Variants in C1QTNF1 observed in about 807,000 individuals in gnomAD.
C1QTNF1 encodes the protein C1q and TNF related 1.
C1QTNF1 carries 22 observed loss-of-function variants against 27.8 expected under a neutral mutation model. The observed-to-expected ratio is 0.79, with a 90% confidence interval of 0.56 to 1.13. The LOEUF (loss-of-function observed/expected upper bound fraction) is 1.13, where lower values mean the gene tolerates loss of function less well. Ranked by LOEUF, C1QTNF1 falls within the 50% of genes most tolerant of loss-of-function variation. The pLI, the probability that C1QTNF1 is intolerant of heterozygous loss-of-function variation, is 0.00. For missense variants in C1QTNF1, 373 were observed against 380.2 expected (o/e 0.98, Z 0.16); for synonymous variants, 166 against 154.3 (o/e 1.08, Z -0.56).
rs1381966945 is a variant in C1QTNF1 at position 79,048,035 on chromosome 17, G to A, written c.793G>A (p.Asp265Asn). ...GAACGCCATCTTCAGCGAGGAGCTG[G>A]ACACCTACATCACCTTCAGTGGCTA... ...RENAIFSEELDTYITFSGYLV... is the reference protein window; with the variant it reads ...RENAIFSEELNTYITFSGYLV... Residue 265 changes from aspartate (D) to asparagine (N), a missense_variant, in exon 4 of 4, where the codon GAC becomes AAC. Transcript: ENST00000579760. 23 of 1,599,050 alleles carry A rather than the reference G, an allele frequency of 1.4e-5. No individual in the cohort carries two copies. The highest frequency in any genetic ancestry group is 2.0e-5 in the Non-Finnish European group (23 of 1,174,980).
chr17:79,042,685 A>G lies in C1QTNF1; in HGVS notation c.-14-1270A>G, dbSNP rs187596104. ...GCTTGGGATTTTTCTTACTGTCCTA[A>G]GAGGGGTGGTATACAATTGTCTGTG... On this transcript the variant is annotated intron_variant, in intron 1 of 3. Coordinates refer to ENST00000579760, the MANE Select transcript of C1QTNF1 (RefSeq NM_030968.5). Among the ~76,000 whole-genome samples, 181 of 152,304 alleles carry G rather than the reference A, an allele frequency of 1.2e-3. 3 individuals are homozygous for G. The highest frequency in any genetic ancestry group is 2.5e-3 in the East Asian group (13 of 5,178).
intron 1 of C1QTNF1, chr17:79,024,823 T>G (rs1424788792): frequency 6.6e-6 from 1 of 151,974 alleles, no homozygotes; most frequent in Non-Finnish European, 1.5e-5. Context: ...TTTTGTGGGG[T>G]GTTTATCTTG....
chr17:79,043,403 G>A (rs1388503956), intron 1 of C1QTNF1: 15 of 451,894 alleles, frequency 3.3e-5, no homozygotes, highest in Admixed American at 2.6e-4. Context: ...ATGTGCATGT[G>A]AGTGTGAGTG....
At chr17:79,031,381 A>T (rs183552800) in intron 1 of C1QTNF1, among the ~76,000 whole-genome samples, 261 of 152,090 alleles carry the variant, frequency 1.7e-3, no homozygotes, top group Middle Eastern at 6.8e-3. Flanking sequence ...CCTATTGCTG[A>T]TTTCACCACT....
In C1QTNF1 at chr17:79,046,116, T is replaced by C. The variant is rs2072565702; in HGVS notation, c.156-439T>C. Among the ~76,000 whole-genome samples, 1 of 151,824 alleles carries C rather than the reference T, an allele frequency of 6.6e-6. No individual in the cohort carries two copies. The highest frequency in any genetic ancestry group is 2.1e-4 in the South Asian group (1 of 4,800). On this transcript the variant is annotated intron_variant, in intron 2 of 3. Transcript: ENST00000579760. The surrounding 1 kb of genome is among the most constrained non-coding windows in gnomAD (Gnocchi z 4.8). Reference sequence around the variant, plus strand: ...TCCAATCAGGTTGGAAACATAAGAGTCTCTCCAGCGGCTACAGCTGAGGGG... The same window carrying C: ...TCCAATCAGGTTGGAAACATAAGAGCCTCTCCAGCGGCTACAGCTGAGGGG...
chr17:79,035,280 G>C (rs368765120), intron 1 of C1QTNF1, among the ~76,000 whole-genome samples: 1 of 152,116 alleles, frequency 6.6e-6, no homozygotes, highest in South Asian at 2.1e-4. Flanking sequence ...CGTCAGAGCC[G>C]AGGGGGAGTG....
In C1QTNF1 at chr17:79,044,001, G is replaced by A. The variant is rs373430274; in HGVS notation, c.33G>A (p.Ala11=). ...CCCGTGGACAGGGACTCTTGCTGGC[G>A]TACTGCCTGCTCCTTGCCTTTGCCT... MGSRGQGLLL[A]YCLLLAFASG... Residue 11 remains alanine, a synonymous_variant, in exon 2 of 4, where the codon GCG becomes GCA. Transcript: ENST00000579760. 1.4e-5 allele frequency: 23 copies of A among 1,614,174 alleles called. No individual in the cohort carries two copies. The highest frequency in any genetic ancestry group is 1.6e-4 in the Middle Eastern group (1 of 6,062).
chr17:79,035,437 T>C (rs2072242675), intron 1 of C1QTNF1, among the ~76,000 whole-genome samples: 1 of 51,888 alleles, frequency 1.9e-5, no homozygotes, highest in South Asian at 5.7e-4. Flanking sequence ...TGAATCGTAT[T>C]TTTTTTTTTT....
chr17:79,043,231 T>C, intron 1 of C1QTNF1: 1 of 453,660 alleles, frequency 2.2e-6, no homozygotes, highest in Non-Finnish European at 4.4e-6. Context: ...TGAATCTGTG[T>C]GCATGTGATA....
At chr17:79,023,719 C>T (rs1376229988), upstream of C1QTNF1, among the ~76,000 whole-genome samples, 8 of 152,108 alleles carry the variant, frequency 5.3e-5, no homozygotes, top group Non-Finnish European at 1.2e-4. Flanking sequence ...CACACACACA[C>T]ACACACACAC....
rs1283171737 is a variant in C1QTNF1 at position 79,047,911 on chromosome 17, G to A, written c.669G>A (p.Ala223=). Residue 223 remains alanine, a synonymous_variant, in exon 4 of 4, where the codon GCG becomes GCA. Coordinates refer to ENST00000579760, the MANE Select transcript of C1QTNF1 (RefSeq NM_030968.5). The part of the protein sequence containing the change: ...KNEEEVVILF[A]QVGDRSIMQS... ...AGGAGGAGGTGGTGATCTTGTTCGC[G>A]CAGGTGGGCGACCGCAGCATCATGC... 4 of 1,613,970 alleles carry A rather than the reference G, an allele frequency of 2.5e-6. No individual in the cohort carries two copies. Among genetic ancestry groups the A allele is most frequent in the African/African-American group, 1.3e-5 (1 of 74,922 alleles).
chr17:79,037,812 C>T (rs1431704148), intron 1 of C1QTNF1, among the ~76,000 whole-genome samples: 1 of 151,948 alleles, frequency 6.6e-6, no homozygotes, highest in Non-Finnish European at 1.5e-5. Context: ...GCTGGGACTA[C>T]AGGCGAACAC....
chr17:79,048,316 G>T lies in C1QTNF1; in HGVS notation c.*228G>T, dbSNP rs2072658622. 1.9e-6 allele frequency: 1 copy of T among 531,590 alleles called. No homozygotes were observed. Among genetic ancestry groups the T allele is most frequent in the Non-Finnish European group, 3.2e-6 (1 of 308,514 alleles). 32.9% of individuals were successfully genotyped at this position (531,590 alleles called of 1,614,324 possible). A position where few individuals can be genotyped will look rare whatever the true frequency, so the allele number is the denominator to read the frequency against. On this transcript the variant is annotated 3_prime_UTR_variant, in exon 4 of 4. Transcript: ENST00000579760. ...CGGGGCACCCGCGAGAACCCTCTGG[G>T]ACCTTCCGCGGCCCTCTCTGCACAC... is the stretch of plus-strand genomic sequence containing the variant.
intron 1 of C1QTNF1, among the ~76,000 whole-genome samples, chr17:79,029,816 C>T (rs2072078089): frequency 6.6e-6 from 1 of 152,182 alleles, no homozygotes; most frequent in African/African-American, 2.4e-5. Flanking sequence ...GGCTCCCTAC[C>T]ACCTGTGCTG....
chr17:79,029,824 C>T (rs943415955), intron 1 of C1QTNF1, among the ~76,000 whole-genome samples: 7 of 152,194 alleles, frequency 4.6e-5, no homozygotes, highest in African/African-American at 1.7e-4. Context: ...ACCACCTGTG[C>T]TGTTCCTGGT....
chr17:79,023,704 GCACACACACACACACA>G (rs5822269), upstream of C1QTNF1, among the ~76,000 whole-genome samples: 7 of 145,030 alleles, frequency 4.8e-5, no homozygotes, highest in South Asian at 1.1e-3. Context: ...GCGCGCGCGC[GCACACACACACACACA>G]CACACACACA....
chr17:79,043,156 C>T (rs1448925327), intron 1 of C1QTNF1, among the ~76,000 whole-genome samples: 1 of 144,798 alleles, frequency 6.9e-6, no homozygotes, highest in African/African-American at 2.6e-5. Context: ...CATGTGAGTG[C>T]ATGTGATGGT....
At chr17:79,030,485 T>TTCTTTTTCTTTCTTTCTTTC (rs1471598732) in intron 1 of C1QTNF1, among the ~76,000 whole-genome samples, 24 of 121,864 alleles carry the variant, frequency 2.0e-4, no homozygotes, top group Admixed American at 8.1e-4. Flanking sequence ...CTTTCTTTCT[T>TTCTTTTTCTTTCTTTCTTTC]TTTCTTTCTT....
At chr17:79,030,016 G>A (rs767934850) in intron 1 of C1QTNF1, among the ~76,000 whole-genome samples, 40 of 152,062 alleles carry the variant, frequency 2.6e-4, no homozygotes, top group Non-Finnish European at 4.6e-4. Flanking sequence ...TGTATTCCCC[G>A]TGGTTCCGCT....
Sources: allele counts gnomAD v4.1 joint callset (sites outside exome capture counted in the v4.1 genomes callset), GRCh38; gene constraint gnomAD v4.1.1; non-coding constraint Gnocchi (gnomAD v3.1); transcripts MANE v1.5; gene names NCBI Gene and HGNC (gene_info 2026-07-23, HGNC 2026-07-21).